CAAP1: variants seen among roughly 807,000 people sequenced by gnomAD.
CAAP1 encodes caspase activity and apoptosis inhibitor 1.
Under a neutral mutation model 34.0 loss-of-function variants are expected in CAAP1, and 20 were observed. The observed-to-expected ratio is 0.59, with a 90% CI of 0.41 to 0.86. The LOEUF is 0.86. Ranked by LOEUF, CAAP1 falls within the 40% of genes least tolerant of loss-of-function variation. The pLI is 0.00. For synonymous variants in CAAP1, 213 were observed against 166.7 expected (o/e 1.28, Z -2.14); for missense variants, 538 against 450.5 (o/e 1.19, Z -1.76).
At chr9:26,867,016 C>T (rs1469438512) in intron 4 of CAAP1, among the ~76,000 whole-genome samples, 4 of 152,086 alleles carry the variant, frequency 2.6e-5, no homozygotes, top group East Asian at 1.9e-4. Context: ...CTGAGCTCCA[C>T]CCCACATTAG....
chr9:26,884,015 C>A (rs1015221983), intron 4 of CAAP1, among the ~76,000 whole-genome samples: 1 of 152,110 alleles, frequency 6.6e-6, no homozygotes, highest in Non-Finnish European at 1.5e-5. Flanking sequence ...TGCTACTGCC[C>A]CTGGTAACCT....
At chr9:26,874,921 G>C (rs903266088) in intron 4 of CAAP1, among the ~76,000 whole-genome samples, 1 of 152,096 alleles carries the variant, frequency 6.6e-6, no homozygotes, top group Non-Finnish European at 1.5e-5. Flanking sequence ...AAACTGCAAA[G>C]ATAAATTTAT....
At chr9:26,866,754 T>C (rs1350128994) in intron 4 of CAAP1, among the ~76,000 whole-genome samples, 2 of 152,160 alleles carry the variant, frequency 1.3e-5, no homozygotes, top group African/African-American at 4.8e-5. Flanking sequence ...CCTATGAATT[T>C]TGTAATAAAC....
intron 4 of CAAP1, among the ~76,000 whole-genome samples, chr9:26,878,938 T>C (rs1369518896): frequency 2.0e-5 from 3 of 152,198 alleles, no homozygotes; most frequent in Non-Finnish European, 4.4e-5. Flanking sequence ...GCCAAAATCT[T>C]ACCTGCAACC....
chr9:26,880,620 C>T (rs1823568694), intron 4 of CAAP1: 2 of 153,342 alleles, frequency 1.3e-5, no homozygotes, highest in Admixed American at 6.5e-5. Flanking sequence ...ATGGCACCAG[C>T]CTTGGAGAGT....
intron 5 of CAAP1, among the ~76,000 whole-genome samples, chr9:26,842,995 G>C (rs1274147957): frequency 6.6e-6 from 1 of 152,116 alleles, no homozygotes; most frequent in East Asian, 1.9e-4. Context: ...GCTGACATTG[G>C]AAATCCTCTG....
At chr9:26,853,067 T>C (rs189765722) in intron 5 of CAAP1, among the ~76,000 whole-genome samples, 58 of 152,280 alleles carry the variant, frequency 3.8e-4, no homozygotes, top group African/African-American at 1.4e-3. Flanking sequence ...ATGGATTTTG[T>C]GTAGAGATGG....
At chr9:26,855,300 G>C (rs564135670) in intron 5 of CAAP1, among the ~76,000 whole-genome samples, 23 of 152,282 alleles carry the variant, frequency 1.5e-4, no homozygotes, top group Admixed American at 1.0e-3. Flanking sequence ...ACTATAAAAC[G>C]ATCAGTGGTT....
chr9:26,880,288 C>T (rs187906045), intron 4 of CAAP1: 67 of 378,866 alleles, frequency 1.8e-4, no homozygotes, highest in African/African-American at 1.3e-3. Flanking sequence ...CCAATAGCTG[C>T]GCTCTGGACG....
At chr9:26,857,379 C>T (rs1362766864) in intron 5 of CAAP1, among the ~76,000 whole-genome samples, 1 of 152,214 alleles carries the variant, frequency 6.6e-6, no homozygotes, top group Non-Finnish European at 1.5e-5. Flanking sequence ...CGCCTGTAAT[C>T]CCAACACTTT....
At chr9:26,884,198 A>T (rs2131338813) in intron 4 of CAAP1, among the ~76,000 whole-genome samples, 1 of 152,362 alleles carries the variant, frequency 6.6e-6, no homozygotes, top group East Asian at 1.9e-4. Flanking sequence ...AGCAAATAGC[A>T]TCAATAGATG....
intron 5 of CAAP1, among the ~76,000 whole-genome samples, chr9:26,857,400 G>A (rs573537873): frequency 2.6e-5 from 4 of 152,364 alleles, no homozygotes; most frequent in Admixed American, 6.5e-5. Context: ...GGAAGGCCAA[G>A]GTGGGTGGAT....
At chr9:26,892,342 T>C (rs1334489310) in intron 1 of CAAP1, 71 bp downstream of exon 1, 1 of 1,576,266 alleles carries the variant, frequency 6.3e-7, no homozygotes, top group Admixed American at 1.8e-5. Flanking sequence ...CTGCGCCCCA[T>C]CCCTCTGGAA....
chr9:26,870,039 C>CTTTTT (rs555433697), intron 4 of CAAP1: 139 of 277,650 alleles, frequency 5.0e-4, no homozygotes, highest in African/African-American at 3.2e-3. Flanking sequence ...GAAAGAATAA[C>CTTTTT]TTTTTTTTTT....
At chr9:26,881,055 C>A (rs896917978) in intron 4 of CAAP1, among the ~76,000 whole-genome samples, 4 of 152,156 alleles carry the variant, frequency 2.6e-5, no homozygotes, top group Admixed American at 2.0e-4. Flanking sequence ...AAAATTGAGT[C>A]ACCCATGCTT....
In CAAP1 at chr9:26,842,083, T is replaced by A; in HGVS notation, c.*218A>T. The A allele has an allele frequency of 2.4e-6, 1 of 419,830 alleles. No homozygotes were observed. The highest frequency in any genetic ancestry group is 4.2e-6 in the Non-Finnish European group (1 of 238,270). The allele number at this position is 419,830 out of a possible 1,614,324, so 26.0% of individuals were successfully genotyped here. On this transcript the variant is annotated 3_prime_UTR_variant, in exon 6 of 6. Transcript: ENST00000333916. ...TAACAAAGTATCCAGGCTATCCAAC[T>A]ATATTGCCATGAATTCATAAGACAG...
At chr9:26,850,760 T>C (rs1222461944) in intron 5 of CAAP1, among the ~76,000 whole-genome samples, 2 of 152,210 alleles carry the variant, frequency 1.3e-5, no homozygotes, top group Non-Finnish European at 2.9e-5. Context: ...AATACTGTGT[T>C]ATAGAGAACT....
intron 4 of CAAP1, among the ~76,000 whole-genome samples, chr9:26,874,342 T>C (rs1253475307): frequency 6.6e-6 from 1 of 151,776 alleles, no homozygotes; most frequent in Non-Finnish European, 1.5e-5. Context: ...GGAATATCCA[T>C]CATCTCAAAC....
At chr9:26,880,445 C>G (rs1823562852) in intron 4 of CAAP1, 1 of 229,488 alleles carries the variant, frequency 4.4e-6, no homozygotes, top group Non-Finnish European at 9.2e-6. Flanking sequence ...GTTTCTTCAC[C>G]ACTCCAGGAG....
Sources: gnomAD v4.1 joint callset for allele counts (sites outside exome capture counted in the v4.1 genomes callset) on GRCh38, gnomAD v4.1.1 for gene constraint, MANE v1.5 for transcripts, NCBI Gene and HGNC (gene_info 2026-07-23, HGNC 2026-07-21) for gene names.